The following FGD5 variants were observed in gnomAD, a reference collection of about 807,000 sequenced individuals.
FGD5 encodes the protein FYVE, RhoGEF and PH domain containing 5, also known as FYVE, RhoGEF and PH domain-containing protein 5.
A neutral mutation model predicts 133.4 loss-of-function variants in FGD5; 28 were observed. That is an observed-to-expected ratio of 0.21 (90% confidence interval 0.16 to 0.29). The LOEUF is 0.29. Among genes scored for constraint, FGD5 ranks in the 10% least tolerant of loss-of-function variants. The probability of loss-of-function intolerance (pLI) is 1.00; values close to 1 mark genes in which losing one functional copy is unlikely to be tolerated. For synonymous variants in FGD5, 810 were observed against 776.5 expected (o/e 1.04, Z -0.72); for missense variants, 1,858 against 1,895.2 (o/e 0.98, Z 0.36).
At chr3:14,873,540 G>C (rs1030970206) in intron 2 of FGD5, among the ~76,000 whole-genome samples, 1 of 152,128 alleles carries the variant, frequency 6.6e-6, no homozygotes, top group African/African-American at 2.4e-5. Flanking sequence ...AATTAAGTGC[G>C]ATGGGGAGGG....
chr3:14,854,389 TTTTATTTA>T (rs71268415), intron 1 of FGD5, among the ~76,000 whole-genome samples: 14,920 of 137,390 alleles, frequency 0.11, 992 homozygotes, highest in East Asian at 0.2. Flanking sequence ...TTTCTTTTCT[TTTTATTTA>T]TTTATTTATT....
rs574656828 is a variant in FGD5, at chr3:14,864,128, C to A, written c.2526C>A (p.Ser842Arg). 6 of 1,612,540 alleles carry A rather than the reference C, an allele frequency of 3.7e-6. No individual in the cohort carries two copies. The African/African-American group carries it at 8.0e-5, about 22-fold the overall frequency. ...KQQSADQDAE[S>R]AYTEPYKVCP... ...CCTTCTTTCCCCTGCTTTGACCCAG[C>A]GCCTACACAGAGCCCTACAAAGTCT... The change falls in exon 2 of 20, where the codon AGC becomes AGA. Residue 842 changes from serine to arginine, a missense_variant and splice_region_variant. By Grantham distance (110) the Ser-to-Arg change is moderately radical. Around this residue, in one of 3 missense-constraint regions of FGD5, gnomAD observed 1,824 missense variants for 1,848.9 expected, o/e 0.99. Transcript: ENST00000285046.
At chr3:14,893,456 A>G (rs565038542) in intron 4 of FGD5, among the ~76,000 whole-genome samples, 1 of 152,228 alleles carries the variant, frequency 6.6e-6, no homozygotes, top group African/African-American at 2.4e-5. Context: ...GGCTCAAGCA[A>G]TCTTCCTGCT....
At chr3:14,886,804 G>A (rs55984607) in intron 4 of FGD5, among the ~76,000 whole-genome samples, 2,322 of 152,312 alleles carry the variant, frequency 0.015, 54 homozygotes, top group African/African-American at 0.052. Context: ...AAACTGCGTC[G>A]TGTAACTTCC....
chr3:14,867,827 G>A (rs1362773690), intron 2 of FGD5, among the ~76,000 whole-genome samples: 3 of 152,200 alleles, frequency 2.0e-5, no homozygotes, highest in Admixed American at 6.5e-5. Flanking sequence ...CGTGTGGGAC[G>A]TGGGAGCAAG....
chr3:14,888,168 G>GGA (rs2037959590), intron 4 of FGD5, among the ~76,000 whole-genome samples: 1 of 143,214 alleles, frequency 7.0e-6, no homozygotes, highest in East Asian at 2.0e-4. Flanking sequence ...ATCCTTTCTC[G>GGA]AAAAAAAAAA....
In FGD5 at chr3:14,900,432, G is replaced by T; in HGVS notation, c.3184G>T (p.Ala1062Ser). 6.2e-7 allele frequency: 1 copy of T among 1,613,410 alleles called. No individual in the cohort carries two copies. The highest frequency in any genetic ancestry group is 8.5e-7 in the Non-Finnish European group (1 of 1,179,652). The change falls in exon 8 of 20, where the codon GCC becomes TCC. Residue 1062 changes from alanine to serine, a missense_variant. Ala to Ser is a moderately conservative substitution (Grantham distance 99). Transcript: ENST00000285046. The part of the protein sequence containing the change: ...DYLNNLCPDS[A>S]EYDNTQGALS... Reference sequence around the variant, plus strand: ...TTTAAACAACCTTTGTCCGGACTCCGCCGAGTACGACAACACACAGGGTGA... The same window carrying T: ...TTTAAACAACCTTTGTCCGGACTCCTCCGAGTACGACAACACACAGGGTGA...
chr3:14,888,248 C>T (rs866660560), intron 4 of FGD5, among the ~76,000 whole-genome samples: 3 of 151,902 alleles, frequency 2.0e-5, no homozygotes, highest in Non-Finnish European at 2.9e-5. Flanking sequence ...TAATCATTGA[C>T]GTACCAGACA....
chr3:14,864,862 A>C (rs1342667178), intron 2 of FGD5, among the ~76,000 whole-genome samples: 1 of 152,056 alleles, frequency 6.6e-6, no homozygotes. Flanking sequence ...TCTATTGGAC[A>C]CTCATGGTGA....
chr3:14,876,414 A>G (rs565691608), intron 2 of FGD5, among the ~76,000 whole-genome samples: 19 of 152,226 alleles, frequency 1.2e-4, no homozygotes, highest in African/African-American at 2.7e-4. Flanking sequence ...ACATCTCTGC[A>G]ATGTTTACCA....
chr3:14,897,213 A>G (rs2038154817), intron 4 of FGD5: 1 of 348,702 alleles, frequency 2.9e-6, no homozygotes, highest in Non-Finnish European at 5.1e-6. Context: ...TTGAAAAAGA[A>G]GAGTGTTCAC....
chr3:14,906,171 T>C (rs780886690), intron 9 of FGD5, among the ~76,000 whole-genome samples: 19 of 152,182 alleles, frequency 1.2e-4, no homozygotes, highest in Non-Finnish European at 2.2e-4. Flanking sequence ...CTCCCCATGT[T>C]CTTGCTCTTC....
chr3:14,898,845 C>G lies in FGD5; in HGVS notation c.3154+19C>G, dbSNP rs765217029. The G allele has an allele frequency of 6.4e-7, 1 of 1,564,024 alleles. No homozygotes were observed. The highest frequency in any genetic ancestry group is 1.4e-5 in the African/African-American group (1 of 73,610). On this transcript the variant is annotated intron_variant, in intron 7 of 19. Transcript: ENST00000285046. The stretch of plus-strand genomic sequence containing the variant: ...CTCACAGGTGGGCCCCACAGGAGAT[C>G]AATGGGGACTGAGGCGGCAGGGCAG...
chr3:14,865,630 T>G (rs565920989), intron 2 of FGD5, among the ~76,000 whole-genome samples: 265 of 152,234 alleles, frequency 1.7e-3, no homozygotes, highest in African/African-American at 6.0e-3. Context: ...GTTGTCCATG[T>G]TTGTCATCTC....
chr3:14,868,529 T>G (rs999408185), intron 2 of FGD5, among the ~76,000 whole-genome samples: 2 of 152,372 alleles, frequency 1.3e-5, no homozygotes, highest in Admixed American at 6.5e-5. Flanking sequence ...AGTCCCCAGC[T>G]GGGGTTAAAC....
upstream of FGD5, chr3:14,818,911 A>C: frequency 7.0e-7 from 1 of 1,428,090 alleles, no homozygotes; most frequent in Non-Finnish European, 9.1e-7. Flanking sequence ...AATGGCAATA[A>C]AGTTAATTGT....
intron 1 of FGD5, among the ~76,000 whole-genome samples, chr3:14,834,566 A>G (rs1029395114): frequency 6.6e-6 from 1 of 152,212 alleles, no homozygotes; most frequent in African/African-American, 2.4e-5. Context: ...TTTCTGAGGA[A>G]TGCAGTTTGA....
Position 14,923,205 on chromosome 3 carries a change from A to G in FGD5, c.3937+30A>G, listed in dbSNP as rs779084990. The G allele has an allele frequency of 2.5e-6, 4 of 1,596,206 alleles. No individual in the cohort carries two copies. The South Asian group carries it at 3.4e-5, about 13-fold the overall frequency. ...CCTGGGGACCACTTGCCTTCTTCCA[A>G]GTGGCCTGGTGGCTTCTCCCCAGGC... On this transcript the variant is annotated intron_variant, in intron 16 of 19. Transcript: ENST00000285046.
intron 1 of FGD5, among the ~76,000 whole-genome samples, chr3:14,823,561 C>T (rs1022522204): frequency 6.6e-6 from 1 of 152,168 alleles, no homozygotes; most frequent in Non-Finnish European, 1.5e-5. Context: ...AGACACAAGT[C>T]CTGTTACAGA....
Sources: allele counts gnomAD v4.1 joint callset (sites outside exome capture counted in the v4.1 genomes callset), GRCh38; gene constraint gnomAD v4.1.1; regional missense constraint gnomAD v4.1.1; transcripts MANE v1.5; gene names NCBI Gene and HGNC (gene_info 2026-07-23, HGNC 2026-07-21).